NFATC1: variants seen among roughly 807,000 people sequenced by gnomAD.
NFATC1 encodes the protein nuclear factor of activated T cells 1, also known as nuclear factor of activated T-cells, cytoplasmic 1.
Under a neutral mutation model 76.0 loss-of-function variants are expected in NFATC1, and 22 were observed. That is an observed-to-expected ratio of 0.29 (90% CI 0.21 to 0.41). NFATC1 has a LOEUF of 0.41. Among genes scored for constraint, NFATC1 ranks in the 10% least tolerant of loss-of-function variants. The probability of loss-of-function intolerance (pLI) is 1.00; values close to 1 mark genes in which losing one functional copy is unlikely to be tolerated. For synonymous variants in NFATC1, 704 were observed against 613.1 expected, an observed-to-expected ratio of 1.15 and a Z score of -2.19; for missense variants, 1,357 against 1,337.7, an observed-to-expected ratio of 1.01 and a Z score of -0.23.
At chr18:79,479,752 C>G (rs998782866) in intron 8 of NFATC1, among the ~76,000 whole-genome samples, 23 of 152,210 alleles carry the variant, frequency 1.5e-4, no homozygotes, top group African/African-American at 5.1e-4. Context: ...TGCCGGGTGC[C>G]TCGCGCATCC....
chr18:79,518,731 G>A (rs563938844), intron 9 of NFATC1, among the ~76,000 whole-genome samples: 4 of 152,292 alleles, frequency 2.6e-5, no homozygotes, highest in South Asian at 2.1e-4. Context: ...TCTTCAAAAC[G>A]AGACTAAGGG....
chr18:79,462,693 C>T (rs1472950120), intron 7 of NFATC1, among the ~76,000 whole-genome samples: 3 of 152,054 alleles, frequency 2.0e-5, no homozygotes, highest in Non-Finnish European at 2.9e-5. Flanking sequence ...CAGTAGAAAT[C>T]TCTAGGCCAA....
At position 79,444,745 on chromosome 18, in the gene NFATC1, C is replaced by G. The variant is rs1289077394; in HGVS notation, c.1387-4037C>G. Among the ~76,000 whole-genome samples the G allele has an allele frequency of 2.1e-5, 3 of 142,080 alleles. 1 individual carries two copies. Among genetic ancestry groups the G allele is most frequent in the South Asian group, 2.1e-4 (1 of 4,796 alleles). The allele number at this position is 142,080 out of a possible 152,430, so 93.2% of individuals were successfully genotyped here. On this transcript the variant is annotated intron_variant, in intron 3 of 9. Coordinates refer to ENST00000427363, the MANE Select transcript of NFATC1 (RefSeq NM_001278669.2). ...GGCACCCCCGTGGGCACACACGTGCCCGACCCCACAGACCACACCGGCGCT... is the reference window on the plus strand; with the variant it reads ...GGCACCCCCGTGGGCACACACGTGCGCGACCCCACAGACCACACCGGCGCT...
At chr18:79,428,944 G>C (rs1245922419) in intron 2 of NFATC1, among the ~76,000 whole-genome samples, 2 of 152,202 alleles carry the variant, frequency 1.3e-5, no homozygotes, top group African/African-American at 4.8e-5. Flanking sequence ...CAGTGGGCTG[G>C]GCACAGTGGC....
chr18:79,522,533 T>G, intron 9 of NFATC1, among the ~76,000 whole-genome samples: 1 of 130,712 alleles, frequency 7.7e-6, no homozygotes, highest in African/African-American at 2.9e-5. Flanking sequence ...CACTGATGTG[T>G]GTGTCTGTGG....
chr18:79,449,596 CAG>C (rs1396811256), intron 4 of NFATC1, among the ~76,000 whole-genome samples: 2 of 152,188 alleles, frequency 1.3e-5, no homozygotes. Flanking sequence ...GAACCGAAAA[CAG>C]ACACATCTGT....
rs1265771914 is a variant in NFATC1 at position 79,455,798 on chromosome 18, G to GGCCGCCCCATCCCACA, written c.1903+3994_1903+3995insCACAGCCGCCCCATCC. ...CCATCCCACGGCCGCCCCATCCCAC[G>GGCCGCCCCATCCCACA]GCCGCCCCATCCTCTGGCCCTGGAT... On this transcript the variant is annotated intron_variant, in intron 6 of 9. Transcript: ENST00000427363. Among the ~76,000 whole-genome samples the GGCCGCCCCATCCCACA allele has an allele frequency of 6.4e-3, 419 of 65,080 alleles. 4 individuals are homozygous for GGCCGCCCCATCCCACA. Among genetic ancestry groups the GGCCGCCCCATCCCACA allele is most frequent in the Middle Eastern group, 0.014 (2 of 148 alleles). The allele number at this position is 65,080 out of a possible 152,430, so 42.7% of individuals were successfully genotyped here. A position where few individuals can be genotyped will look rare whatever the true frequency, so the allele number is the denominator to read the frequency against.
chr18:79,416,474 C>CTGTCCAGAACTCCG lies in NFATC1; in HGVS notation c.1226+4978_1226+4979insAGAACTCCGTGTCC, dbSNP rs75013554. Reference sequence around the variant, plus strand: ...GCCATCTCTGGGCTCTGGAGCCAGACTGTCCGCGGGCGCTGGTGGGCCCTT... The same window carrying CTGTCCAGAACTCCG: ...GCCATCTCTGGGCTCTGGAGCCAGACTGTCCAGAACTCCGTGTCCGCGGGCGCTGGTGGGCCCTT... On this transcript the variant is annotated intron_variant, in intron 2 of 9. Transcript: ENST00000427363. 2.7e-4 allele frequency among the ~76,000 whole-genome samples: 41 copies of CTGTCCAGAACTCCG among 151,946 alleles called. 1 individual carries two copies. Among genetic ancestry groups the CTGTCCAGAACTCCG allele is most frequent in the African/African-American group, 9.7e-4 (40 of 41,414 alleles).
intron 3 of NFATC1, 190 bp from the exon 4 acceptor site, chr18:79,448,592 T>C: frequency 8.1e-6 from 5 of 619,382 alleles, no homozygotes; most frequent in East Asian, 2.8e-5. Flanking sequence ...AGTGCCCAGG[T>C]CCATTGGGAT....
rs527730428 is a variant in NFATC1, at chr18:79,439,590, G to A, written c.1386+5852G>A. ...TCCCTGGACTGCTAAGCGCATAAAC[G>A]CACAGGGAATTTCCTAGTTCCACAT... On this transcript the variant is annotated intron_variant, in intron 3 of 9. Coordinates refer to ENST00000427363, the MANE Select transcript of NFATC1 (RefSeq NM_001278669.2). 5.9e-5 allele frequency among the ~76,000 whole-genome samples: 9 copies of A among 152,336 alleles called. 1 individual carries two copies. In the South Asian group the frequency reaches 1.9e-3, roughly 32 times the overall value.
chr18:79,466,301 A>G (rs1341493535), intron 7 of NFATC1, among the ~76,000 whole-genome samples: 1 of 152,198 alleles, frequency 6.6e-6, no homozygotes, highest in Non-Finnish European at 1.5e-5. Flanking sequence ...AATACAATGG[A>G]TTTTTCTCCT....
intron 1 of NFATC1, 115 bp downstream of exon 1, chr18:79,396,466 C>A: frequency 1.7e-6 from 1 of 586,232 alleles, no homozygotes; most frequent in Non-Finnish European, 2.3e-6. Context: ...AGAACGAGGT[C>A]GGCCGGGTCT....
intron 9 of NFATC1, among the ~76,000 whole-genome samples, chr18:79,516,827 C>T (rs1170831977): frequency 6.6e-6 from 1 of 152,232 alleles, no homozygotes; most frequent in Non-Finnish European, 1.5e-5. Flanking sequence ...TTCCTATTTT[C>T]TGATCTCTAA....
chr18:79,401,035 C>T (rs1334545218), intron 1 of NFATC1, among the ~76,000 whole-genome samples: 3 of 138,006 alleles, frequency 2.2e-5, no homozygotes, highest in Non-Finnish European at 3.1e-5. Context: ...CTACCATGAC[C>T]CCAGCCTTTT....
At chr18:79,402,190 A>G (rs1321976459) in intron 1 of NFATC1, among the ~76,000 whole-genome samples, 1 of 152,240 alleles carries the variant, frequency 6.6e-6, no homozygotes, top group Non-Finnish European at 1.5e-5. Flanking sequence ...GTGACTGCAC[A>G]GGTAACTCCA....
At chr18:79,435,254 G>A (rs1457285409) in intron 3 of NFATC1, among the ~76,000 whole-genome samples, 2 of 152,330 alleles carry the variant, frequency 1.3e-5, no homozygotes, top group East Asian at 1.9e-4. Context: ...GATGAGGGGC[G>A]GGTGTAGGAA....
chr18:79,465,833 C>T lies in NFATC1; in HGVS notation c.1960-1617C>T, dbSNP rs1224602328. ...CAGGCTCCGGGTGGCCAGAGCTTCCCGGGTCAGCCCAGGAGATGGCCCAGA... is the reference window on the plus strand; with the variant it reads ...CAGGCTCCGGGTGGCCAGAGCTTCCTGGGTCAGCCCAGGAGATGGCCCAGA... On this transcript the variant is annotated intron_variant, in intron 7 of 9. Coordinates refer to ENST00000427363, the MANE Select transcript of NFATC1 (RefSeq NM_001278669.2). This position sits in a 1 kb window ranked among gnomAD's most constrained non-coding sequence, Gnocchi z 4.2. Among the ~76,000 whole-genome samples, 5 of 152,242 alleles carry T rather than the reference C, an allele frequency of 3.3e-5. No homozygotes were observed. The highest frequency in any genetic ancestry group is 1.9e-4 in the East Asian group (1 of 5,192).
intron 1 of NFATC1, chr18:79,400,379 G>GGCCCCA (rs757288364): frequency 8.8e-6 from 13 of 1,475,020 alleles, no homozygotes; most frequent in African/African-American, 1.5e-5. Context: ...CCCCGGCCCC[G>GGCCCCA]GCCCGACCCG....
At chr18:79,526,368 G>C (rs1283596734) in intron 9 of NFATC1, among the ~76,000 whole-genome samples, 2 of 152,266 alleles carry the variant, frequency 1.3e-5, no homozygotes, top group Non-Finnish European at 2.9e-5. Flanking sequence ...GTCCCGTCTT[G>C]GGCAGGGCCC....
Sources: gnomAD v4.1 joint callset for allele counts (sites outside exome capture counted in the v4.1 genomes callset) on GRCh38, gnomAD v4.1.1 for gene constraint, Gnocchi (gnomAD v3.1) non-coding constraint, MANE v1.5 for transcripts, NCBI Gene and HGNC (gene_info 2026-07-23, HGNC 2026-07-21) for gene names.